The following CADM1 variants were observed in gnomAD, a reference collection of about 807,000 sequenced individuals.
CADM1 encodes the protein cell adhesion molecule 1.
In CADM1, 15 loss-of-function variants were observed where a neutral mutation model predicts 53.1. The ratio of observed to expected loss-of-function variants is 0.28; its 90% CI spans 0.19 to 0.44. The LOEUF (loss-of-function observed/expected upper bound fraction) is 0.44. Among genes scored for constraint, CADM1 ranks in the 20% least tolerant of loss-of-function variants. The pLI, the probability that CADM1 is intolerant of heterozygous loss-of-function variation, is 1.00. For synonymous variants in CADM1, 281 were observed against 243.0 expected, an observed-to-expected ratio of 1.16 and a Z score of -1.45; for missense variants, 434 against 611.3, an observed-to-expected ratio of 0.71 and a Z score of 3.06.
chr11:115,501,933 A>T (rs954406305), intron 1 of CADM1, among the ~76,000 whole-genome samples: 6 of 152,208 alleles, frequency 3.9e-5, no homozygotes, highest in Non-Finnish European at 7.3e-5. Context: ...AGAGAAAAAA[A>T]TTAAGAAAGT....
chr11:115,342,376 A>C (rs1347564205), intron 1 of CADM1, among the ~76,000 whole-genome samples: 1 of 152,182 alleles, frequency 6.6e-6, no homozygotes. Context: ...GAGAGAAACT[A>C]GGAAATCCAA....
intron 1 of CADM1, among the ~76,000 whole-genome samples, chr11:115,321,265 TAAG>T (rs1308210095): frequency 1.3e-5 from 2 of 152,186 alleles, no homozygotes; most frequent in Non-Finnish European, 2.9e-5. Context: ...GCAAGATTGG[TAAG>T]AAGTACTGGA....
At chr11:115,372,373 CTTTTT>C (rs1290659534) in intron 1 of CADM1, among the ~76,000 whole-genome samples, 7 of 152,004 alleles carry the variant, frequency 4.6e-5, no homozygotes, top group Admixed American at 2.0e-4. Context: ...TGAATTCTTT[CTTTTT>C]AAGAGTGTGC....
intron 1 of CADM1, among the ~76,000 whole-genome samples, chr11:115,252,359 CTCTG>C (rs1269981527): frequency 4.6e-5 from 7 of 152,202 alleles, no homozygotes; most frequent in South Asian, 2.1e-4. Flanking sequence ...TCTATGCACT[CTCTG>C]TCTATTTTAT....
chr11:115,447,969 T>C (rs1309207968), intron 1 of CADM1, among the ~76,000 whole-genome samples: 1 of 152,156 alleles, frequency 6.6e-6, no homozygotes, highest in African/African-American at 2.4e-5. Flanking sequence ...TCTACATTCT[T>C]TACAATTCTC....
chr11:115,235,212 G>A (rs1941970325), intron 3 of CADM1, among the ~76,000 whole-genome samples: 1 of 149,986 alleles, frequency 6.7e-6, no homozygotes, highest in South Asian at 2.1e-4. Flanking sequence ...AAATATAAAT[G>A]AGGTGATTTA....
chr11:115,489,882 G>A (rs990710845), intron 1 of CADM1, among the ~76,000 whole-genome samples: 1 of 152,178 alleles, frequency 6.6e-6, no homozygotes, highest in Non-Finnish European at 1.5e-5. Flanking sequence ...ATACATTAAG[G>A]TGCTTAAGGT....
intron 1 of CADM1, among the ~76,000 whole-genome samples, chr11:115,467,556 T>C (rs1439035774): frequency 6.6e-6 from 1 of 152,160 alleles, no homozygotes; most frequent in Non-Finnish European, 1.5e-5. Context: ...TGAGATGCAC[T>C]AGGCATATTA....
intron 1 of CADM1, among the ~76,000 whole-genome samples, chr11:115,371,834 A>C (rs891716638): frequency 6.6e-6 from 1 of 151,624 alleles, no homozygotes; most frequent in Non-Finnish European, 1.5e-5. Context: ...AGACCCAACT[A>C]CATACTTATA....
At position 115,190,938 on chromosome 11, in the gene CADM1, A is replaced by T. The variant is rs774423490; in HGVS notation, c.1115T>A (p.Leu372His). 6.3e-7 allele frequency: 1 copy of T among 1,591,594 alleles called. No individual in the cohort carries two copies. Among genetic ancestry groups the T allele is most frequent in the South Asian group, 1.1e-5 (1 of 89,252 alleles). The change falls in exon 10 of 12, where the codon CTT (leucine) becomes CAT (histidine). Residue 372 changes from leucine to histidine, a missense_variant. This residue lies in a region of CADM1 where 311 missense variants were observed against 435.1 expected (regional missense o/e 0.71). Transcript: ENST00000331581. ...TATTEPAVHG[L>H]TQLPNSAEEL... ...TTCTGCGGAATTGGGCAACTGAGTA[A>T]GGCCTTACAAGTAAAAACAAATCGT...
chr11:115,358,317 C>A (rs1322167722), intron 1 of CADM1, among the ~76,000 whole-genome samples: 1 of 152,132 alleles, frequency 6.6e-6, no homozygotes, highest in East Asian at 1.9e-4. Context: ...ATACTGGAGA[C>A]TGGGTAATTA....
chr11:115,399,152 A>G (rs1472264227), intron 1 of CADM1: 1 of 152,216 alleles, frequency 6.6e-6, no homozygotes, highest in Non-Finnish European at 1.5e-5. Flanking sequence ...ATCACACAGT[A>G]ATGAAAAAGT....
intron 1 of CADM1, among the ~76,000 whole-genome samples, chr11:115,489,675 G>A (rs1949450449): frequency 6.6e-6 from 1 of 152,206 alleles, no homozygotes; most frequent in African/African-American, 2.4e-5. Context: ...TGTGTAGCGG[G>A]CATATAGAAG....
intron 1 of CADM1, among the ~76,000 whole-genome samples, chr11:115,411,659 ATTT>A (rs562847675): frequency 1.3e-5 from 2 of 151,306 alleles, no homozygotes; most frequent in Non-Finnish European, 3.0e-5. Flanking sequence ...ATTCTATTTT[ATTT>A]TTTTTTATTA....
At chr11:115,383,007 T>C (rs1946615873) in intron 1 of CADM1, among the ~76,000 whole-genome samples, 1 of 152,252 alleles carries the variant, frequency 6.6e-6, no homozygotes, top group Admixed American at 6.5e-5. Context: ...CACAATAGGC[T>C]AGCCCTTCTT....
intron 9 of CADM1, among the ~76,000 whole-genome samples, chr11:115,195,251 C>T (rs1447074019): frequency 6.6e-6 from 1 of 152,190 alleles, no homozygotes; most frequent in East Asian, 1.9e-4. Flanking sequence ...TGCCCATGCA[C>T]TTCTAACCTT....
intron 5 of CADM1, among the ~76,000 whole-genome samples, chr11:115,227,941 G>GA (rs972281007): frequency 5.9e-5 from 9 of 152,076 alleles, no homozygotes; most frequent in Non-Finnish European, 1.3e-4. Flanking sequence ...GCTGAATTTG[G>GA]AAAAAAAGTC....
At chr11:115,443,082 A>G (rs1398422928) in intron 1 of CADM1, among the ~76,000 whole-genome samples, 1 of 152,250 alleles carries the variant, frequency 6.6e-6, no homozygotes, top group Non-Finnish European at 1.5e-5. Context: ...TTCATTGAAA[A>G]TTAAGTTTAT....
chr11:115,190,656 T>A (rs984130901), intron 10 of CADM1: 5 of 529,692 alleles, frequency 9.4e-6, no homozygotes. Context: ...AGGTAACTTG[T>A]CCTCTCCTGC....
Sources: gnomAD v4.1 joint callset for allele counts (sites outside exome capture counted in the v4.1 genomes callset) on GRCh38, gnomAD v4.1.1 for gene constraint, gnomAD v4.1.1 regional missense constraint, MANE v1.5 for transcripts, NCBI Gene and HGNC (gene_info 2026-07-23, HGNC 2026-07-21) for gene names.